LGSN: variants seen among roughly 807,000 people sequenced by gnomAD.
LGSN encodes lengsin, lens protein with glutamine synthetase domain.
Under a neutral mutation model 19.5 loss-of-function variants are expected in LGSN, and 21 were observed. The ratio of observed to expected loss-of-function variants is 1.07; its 90% CI spans 0.76 to 1.55. LGSN has a LOEUF of 1.55. Among genes scored for constraint, LGSN ranks in the 40% most tolerant of loss-of-function variants. The probability of loss-of-function intolerance (pLI) is 0.00; values close to 1 mark genes in which losing one functional copy is unlikely to be tolerated. For synonymous variants in LGSN, 257 were observed against 215.6 expected, an observed-to-expected ratio of 1.19 and a Z score of -1.68; for missense variants, 673 against 608.5, an observed-to-expected ratio of 1.11 and a Z score of -1.12.
At position 63,279,811 on chromosome 6, in the gene LGSN, C is replaced by G. The variant is rs1412820697; in HGVS notation, c.*210G>C. ...GGTAAGTTTGCATATTATAGCTTCA[C>G]CACAACTTTGTTGTTTGTTTCTGTT... On this transcript the variant is annotated 3_prime_UTR_variant, in exon 4 of 4. Transcript: ENST00000370657. 4.3e-6 allele frequency: 2 copies of G among 469,734 alleles called. No homozygotes were observed. Among genetic ancestry groups the G allele is most frequent in the Admixed American group, 4.0e-5 (1 of 25,286 alleles). The allele number at this position is 469,734 out of a possible 1,614,324, so 29.1% of individuals were successfully genotyped here. A position where few individuals can be genotyped will look rare whatever the true frequency, so the allele number is the denominator to read the frequency against.
At chr6:63,453,960 T>G in the LGSN span, among the ~76,000 whole-genome samples, 1 of 151,998 alleles carries the variant, frequency 6.6e-6, no homozygotes, top group African/African-American at 2.4e-5. Flanking sequence ...CCGGCCGTCA[T>G]TATAATTAAT....
chr6:63,360,596 T>G, the LGSN span, among the ~76,000 whole-genome samples: 2 of 152,240 alleles, frequency 1.3e-5, no homozygotes, highest in African/African-American at 4.8e-5. Flanking sequence ...TGCCATGGGT[T>G]CGAACTTCCT....
the LGSN span, among the ~76,000 whole-genome samples, chr6:63,492,085 A>G: frequency 3.9e-5 from 6 of 152,144 alleles, no homozygotes; most frequent in African/African-American, 1.2e-4. Flanking sequence ...TTCTACTTCA[A>G]ATTATACGAG....
At chr6:63,548,808 C>A in the LGSN span, 270 of 736,970 alleles carry the variant, frequency 3.7e-4, 1 homozygote, top group Non-Finnish European at 1.6e-4. Context: ...CCAGTGACGG[C>A]GGATCTCATT....
the LGSN span, among the ~76,000 whole-genome samples, chr6:63,519,097 C>T: frequency 6.6e-6 from 1 of 152,154 alleles, no homozygotes; most frequent in Non-Finnish European, 1.5e-5. Flanking sequence ...GGCAGATCGC[C>T]TGAAGTTCAA....
At chr6:63,401,845 G>C in the LGSN span, among the ~76,000 whole-genome samples, 1 of 152,212 alleles carries the variant, frequency 6.6e-6, no homozygotes, top group Non-Finnish European at 1.5e-5. Context: ...TACGTAAACA[G>C]ATGGCATACC....
Position 63,283,444 on chromosome 6 carries a change from A to G in LGSN, c.330+2143T>C, listed in dbSNP as rs565610172. Among the ~76,000 whole-genome samples, 5 of 152,234 alleles carry G rather than the reference A, an allele frequency of 3.3e-5. No homozygotes were observed. The South Asian group carries it at 8.3e-4, about 25-fold the overall frequency. On this transcript the variant is annotated intron_variant, in intron 3 of 3. Coordinates refer to ENST00000370657, the MANE Select transcript of LGSN (RefSeq NM_016571.3). ...AATTAGTTATGAGTCCTGTAGCAAT[A>G]TATCATAATTTGGCTAGATCAGATA... is the stretch of plus-strand genomic sequence containing the variant.
chr6:63,476,073 T>C, the LGSN span, among the ~76,000 whole-genome samples: 1,341 of 152,000 alleles, frequency 8.8e-3, 23 homozygotes, highest in African/African-American at 0.031. Context: ...TTGGTTTTTT[T>C]GTTTGTTTGT....
At chr6:63,428,117 G>A in the LGSN span, among the ~76,000 whole-genome samples, 95 of 152,144 alleles carry the variant, frequency 6.2e-4, 1 homozygote, top group African/African-American at 2.2e-3. Flanking sequence ...GTTGCTGTAG[G>A]TGTTTATTTT....
chr6:63,365,004 C>CTAAAA, the LGSN span, among the ~76,000 whole-genome samples: 1 of 151,910 alleles, frequency 6.6e-6, no homozygotes, highest in Non-Finnish European at 1.5e-5. Flanking sequence ...AAACTGACAC[C>CTAAAA]CTAACATCAC....
At chr6:63,426,230 A>G in the LGSN span, among the ~76,000 whole-genome samples, 1 of 152,174 alleles carries the variant, frequency 6.6e-6, no homozygotes, top group Non-Finnish European at 1.5e-5. Context: ...CCTAGCATCC[A>G]AGTTTTATGA....
the LGSN span, among the ~76,000 whole-genome samples, chr6:63,431,354 C>A: frequency 6.6e-6 from 1 of 152,156 alleles, no homozygotes; most frequent in Non-Finnish European, 1.5e-5. Flanking sequence ...TGGGGCCAGG[C>A]AGAAGAGAAA....
chr6:63,370,776 T>C, the LGSN span, among the ~76,000 whole-genome samples: 1 of 152,318 alleles, frequency 6.6e-6, no homozygotes, highest in African/African-American at 2.4e-5. Context: ...TTTGCACTCA[T>C]CCTGCAAGTA....
At chr6:63,307,391 A>T (rs2127393469) in intron 1 of LGSN, among the ~76,000 whole-genome samples, 1 of 152,316 alleles carries the variant, frequency 6.6e-6, no homozygotes, top group Admixed American at 6.5e-5. Context: ...TGTCACCAGG[A>T]TATCCTCCCA....
chr6:63,353,734 G>A, the LGSN span, among the ~76,000 whole-genome samples: 4 of 151,964 alleles, frequency 2.6e-5, no homozygotes, highest in African/African-American at 7.3e-5. Flanking sequence ...CACACCACCT[G>A]ACTTCAAAAT....
chr6:63,368,162 C>T, the LGSN span, among the ~76,000 whole-genome samples: 6 of 151,912 alleles, frequency 3.9e-5, no homozygotes, highest in South Asian at 6.2e-4. Context: ...TTTGACTTTT[C>T]GTTGTTTTTT....
chr6:63,364,722 T>TTA, the LGSN span, among the ~76,000 whole-genome samples: 95 of 145,912 alleles, frequency 6.5e-4, no homozygotes, highest in African/African-American at 2.5e-3. Context: ...AGAACAGAAA[T>TTA]TACAAAAAAC....
At chr6:63,494,151 T>C in the LGSN span, among the ~76,000 whole-genome samples, 2 of 152,022 alleles carry the variant, frequency 1.3e-5, no homozygotes, top group African/African-American at 2.4e-5. Context: ...GGTTTCACCA[T>C]GTTGGCCAAG....
the LGSN span, among the ~76,000 whole-genome samples, chr6:63,327,919 T>C: frequency 1.3e-5 from 2 of 152,182 alleles, no homozygotes; most frequent in African/African-American, 4.8e-5. Context: ...TCCCACCTCT[T>C]TGTGTTCCTG....
Sources: allele counts gnomAD v4.1 joint callset (sites outside exome capture counted in the v4.1 genomes callset), GRCh38; gene constraint gnomAD v4.1.1; transcripts MANE v1.5; gene names NCBI Gene and HGNC (gene_info 2026-07-23, HGNC 2026-07-21).